The following TBL1X variants were observed in gnomAD, a reference collection of about 807,000 sequenced individuals.
TBL1X encodes the protein transducin beta like 1 X-linked.
TBL1X carries 10 observed loss-of-function variants against 50.7 expected under a neutral mutation model. The ratio of observed to expected loss-of-function variants is 0.20; its 90% CI spans 0.12 to 0.33. TBL1X has a LOEUF of 0.33. TBL1X is among the 10% of genes least tolerant of loss of function. The pLI, the probability that TBL1X is intolerant of heterozygous loss-of-function variation, is 1.00. For synonymous variants in TBL1X, 190 were observed against 214.7 expected (o/e 0.88, Z 1.01); for missense variants, 340 against 504.4 (o/e 0.67, Z 3.12).
intron 13 of TBL1X, among the ~76,000 whole-genome samples, chrX:9,706,576 C>T (rs1333533198): frequency 3.6e-5 from 4 of 111,091 alleles, no homozygotes; most frequent in African/African-American, 1.3e-4. Flanking sequence ...CTGACAAATC[C>T]ATTATATACC....
At chrX:9,681,781 G>A (rs1006058215) in intron 5 of TBL1X, among the ~76,000 whole-genome samples, 1 of 112,769 alleles carries the variant, frequency 8.9e-6, no homozygotes, top group Non-Finnish European at 1.9e-5. Flanking sequence ...GTGGTTTCTG[G>A]CACCCAGGCT....
intron 2 of TBL1X, among the ~76,000 whole-genome samples, chrX:9,562,137 C>CTGAT (rs752552384): frequency 1.8e-5 from 2 of 112,193 alleles, no homozygotes; most frequent in African/African-American, 6.5e-5. Flanking sequence ...GAACAAAAAA[C>CTGAT]TGATTGGTAT....
In TBL1X at chrX:9,717,887, T is replaced by C. The variant is rs1324828008; in HGVS notation, c.*1641T>C. ...ATAATTTCTTTGTCTCACAGAAGAC[T>C]AGGAGAAAGATCTTTTTTAAATAAT... On this transcript the variant is annotated 3_prime_UTR_variant, in exon 18 of 18. Transcript: ENST00000645353. 8.9e-6 allele frequency: 1 copy of C among 112,421 alleles called. No homozygotes were observed. Among genetic ancestry groups the C allele is most frequent in the Non-Finnish European group, 1.9e-5 (1 of 53,307 alleles). The allele number at this position is 112,421 out of a possible 1,213,427, so 9.3% of individuals were successfully genotyped here. A position where few individuals can be genotyped will look rare whatever the true frequency, so the allele number is the denominator to read the frequency against.
intron 5 of TBL1X, among the ~76,000 whole-genome samples, chrX:9,673,707 A>G (rs749192869): frequency 6.2e-4 from 70 of 112,645 alleles, no homozygotes; most frequent in African/African-American, 2.2e-3. Flanking sequence ...GATGCTTTCA[A>G]ATACAGTTGG....
chrX:9,483,479 G>T (rs1422181353), intron 1 of TBL1X, among the ~76,000 whole-genome samples: 1 of 111,659 alleles, frequency 9.0e-6, no homozygotes, highest in Non-Finnish European at 1.9e-5. Flanking sequence ...GCTTTGATCT[G>T]GTGGTCACGT....
intron 2 of TBL1X, among the ~76,000 whole-genome samples, chrX:9,555,015 C>T (rs1053452519): frequency 1.9e-4 from 21 of 111,928 alleles, no homozygotes; most frequent in African/African-American, 5.5e-4. Flanking sequence ...TGTCTGGCCT[C>T]GTTCATTTAG....
At chrX:9,608,987 T>C (rs979668191) in intron 2 of TBL1X, among the ~76,000 whole-genome samples, 4 of 111,880 alleles carry the variant, frequency 3.6e-5, no homozygotes, top group African/African-American at 1.3e-4. Flanking sequence ...TTCTAAACTT[T>C]AGCGTCATAA....
At chrX:9,500,307 A>G (rs2081994324) in intron 1 of TBL1X, among the ~76,000 whole-genome samples, 2 of 106,553 alleles carry the variant, frequency 1.9e-5, no homozygotes, top group South Asian at 8.4e-4. Flanking sequence ...GCAAGAAAAA[A>G]AAAGCATCCA....
Position 9,716,372 on chromosome X carries a change from G to A in TBL1X, c.*126G>A, listed in dbSNP as rs1427734930. The A allele has an allele frequency of 2.4e-5, 17 of 721,518 alleles. No individual in the cohort carries two copies. The highest frequency in any genetic ancestry group is 1.6e-4 in the Admixed American group (5 of 31,581). 59.5% of individuals were successfully genotyped at this position (721,518 alleles called of 1,213,427 possible). The stretch of plus-strand genomic sequence containing the variant: ...TTAGAGTGTACTCTGAAACCAACTC[G>A]TCTCTGGCCGCAGGAGTCTATATGT... On this transcript the variant is annotated 3_prime_UTR_variant, in exon 18 of 18. Coordinates refer to ENST00000645353, the MANE Select transcript of TBL1X (RefSeq NM_005647.4).
intron 2 of TBL1X, among the ~76,000 whole-genome samples, chrX:9,543,456 C>T (rs1052746432): frequency 9.0e-6 from 1 of 110,563 alleles, no homozygotes; most frequent in African/African-American, 3.3e-5. Context: ...CTTCCCCCGC[C>T]CCTCCTTCTC....
rs1569101317 is a variant in TBL1X at position 9,693,143 on chromosome X, C to T, written c.892-6C>T. The T allele has an allele frequency of 2.5e-6, 3 of 1,211,385 alleles. No individual in the cohort carries two copies. The South Asian group carries it at 5.3e-5, about 21-fold the overall frequency. ...TTGTGGGGTTTTGTCTCTTTCTGGC[C>T]CTCAGACCAATGGAACACTCTTGGC... On this transcript the variant is annotated splice_region_variant and splice_polypyrimidine_tract_variant and intron_variant, in intron 9 of 17. Transcript: ENST00000645353.
chrX:9,560,419 A>G (rs924109117), intron 2 of TBL1X: 2 of 112,164 alleles, frequency 1.8e-5, no homozygotes, highest in East Asian at 2.8e-4. Flanking sequence ...TGCATCCCAG[A>G]TAGAGTGACA....
chrX:9,658,086 T>C (rs1569089185), intron 5 of TBL1X, among the ~76,000 whole-genome samples: 1 of 111,686 alleles, frequency 9.0e-6, no homozygotes, highest in Non-Finnish European at 1.9e-5. Flanking sequence ...GCACACCTTC[T>C]CTTTCCTGCA....
At chrX:9,690,154 C>G (rs1601841823) in intron 7 of TBL1X, among the ~76,000 whole-genome samples, 1 of 112,492 alleles carries the variant, frequency 8.9e-6, no homozygotes, top group East Asian at 2.8e-4. Flanking sequence ...CAGGGTCTAG[C>G]AAACTTTCTT....
intron 7 of TBL1X, among the ~76,000 whole-genome samples, chrX:9,691,327 T>A (rs1180703397): frequency 9.2e-6 from 1 of 108,575 alleles, no homozygotes; most frequent in Admixed American, 9.9e-5. Flanking sequence ...TCCCAGCTGC[T>A]TGAGAGGCTG....
intron 1 of TBL1X, among the ~76,000 whole-genome samples, chrX:9,478,682 A>G (rs970587017): frequency 3.6e-5 from 4 of 112,409 alleles, no homozygotes; most frequent in Non-Finnish European, 7.5e-5. Flanking sequence ...CAGATTGTCA[A>G]ATACGCAGAT....
intron 2 of TBL1X, among the ~76,000 whole-genome samples, chrX:9,609,899 G>A (rs1219792435): frequency 8.9e-6 from 1 of 112,528 alleles, no homozygotes. Flanking sequence ...AAGCCTCTTT[G>A]AAAGGTGTTA....
chrX:9,557,668 T>C (rs189419569), intron 2 of TBL1X, among the ~76,000 whole-genome samples: 117 of 111,292 alleles, frequency 1.1e-3, no homozygotes, highest in African/African-American at 3.6e-3. Flanking sequence ...CTTTGGATGC[T>C]GGACAGGGAG....
At chrX:9,581,369 A>G (rs1386911931) in intron 2 of TBL1X, among the ~76,000 whole-genome samples, 3 of 111,814 alleles carry the variant, frequency 2.7e-5, no homozygotes, top group Non-Finnish European at 3.8e-5. Flanking sequence ...GGTAGGGGGA[A>G]GAGTTCACAC....
Sources: gnomAD v4.1 joint callset for allele counts (sites outside exome capture counted in the v4.1 genomes callset) on GRCh38, gnomAD v4.1.1 for gene constraint, MANE v1.5 for transcripts, NCBI Gene and HGNC (gene_info 2026-07-23, HGNC 2026-07-21) for gene names.